NRBF2: variants seen among roughly 807,000 people sequenced by gnomAD.
NRBF2 encodes the protein nuclear receptor binding factor 2.
Under a neutral mutation model 28.5 loss-of-function variants are expected in NRBF2, and 12 were observed. That is an observed-to-expected ratio of 0.42 (90% confidence interval 0.27 to 0.68). NRBF2 has a LOEUF of 0.68. NRBF2 is among the 30% of genes least tolerant of loss of function. The pLI is 0.24. For missense variants in NRBF2, 274 were observed against 333.5 expected, an observed-to-expected ratio of 0.82 and a Z score of 1.39; for synonymous variants, 102 against 116.5, an observed-to-expected ratio of 0.88 and a Z score of 0.80.
chr10:63,144,067 CT>C (rs1841520369), intron 1 of NRBF2, among the ~76,000 whole-genome samples: 2 of 151,934 alleles, frequency 1.3e-5, no homozygotes. Flanking sequence ...CACTTTTTAC[CT>C]TTTTTAAGTG....
chr10:63,135,645 TTC>T (rs1438177448), intron 1 of NRBF2, among the ~76,000 whole-genome samples: 2 of 146,884 alleles, frequency 1.4e-5, no homozygotes, highest in East Asian at 2.2e-4. Flanking sequence ...GCATCTTGAA[TTC>T]TTTTTTTTTT....
rs1254779679 is a variant in NRBF2 at position 63,154,195 on chromosome 10, C to T, written c.841C>T (p.Leu281=). ...LPLMELSEDI[L]KGFMNN Reference sequence around the variant, plus strand: ...TCTTATGGAGCTCTCTGAGGATATTCTGAAAGGATTTATGAATAATTAAAA... The same window carrying T: ...TCTTATGGAGCTCTCTGAGGATATTTTGAAAGGATTTATGAATAATTAAAA... Residue 281 remains leucine (L), a synonymous_variant, in exon 4 of 4, where the codon CTG becomes TTG. Transcript: ENST00000277746. The T allele has an allele frequency of 6.3e-7, 1 of 1,590,668 alleles. No homozygotes were observed. Among genetic ancestry groups the T allele is most frequent in the Non-Finnish European group, 8.6e-7 (1 of 1,163,618 alleles).
intron 1 of NRBF2, among the ~76,000 whole-genome samples, chr10:63,144,707 C>A (rs1214014400): frequency 6.6e-6 from 1 of 152,124 alleles, no homozygotes; most frequent in African/African-American, 2.4e-5. Context: ...TGAGCCACCG[C>A]GCCCGGCCAG....
intron 1 of NRBF2, among the ~76,000 whole-genome samples, chr10:63,135,229 C>T (rs572963618): frequency 2.0e-5 from 3 of 152,172 alleles, no homozygotes; most frequent in African/African-American, 4.8e-5. Flanking sequence ...GTTTTTAAGG[C>T]GACATATAGT....
intron 1 of NRBF2, among the ~76,000 whole-genome samples, chr10:63,139,704 A>G (rs532340596): frequency 6.6e-6 from 1 of 151,722 alleles, no homozygotes; most frequent in Admixed American, 6.6e-5. Flanking sequence ...TGTCTGCTTC[A>G]CTCCTCCTTT....
chr10:63,140,804 G>T (rs1014115458), intron 1 of NRBF2, among the ~76,000 whole-genome samples: 1 of 151,638 alleles, frequency 6.6e-6, no homozygotes, highest in Non-Finnish European at 1.5e-5. Context: ...AGGTTCAAGC[G>T]ATTCTCCTGC....
chr10:63,144,151 G>A (rs534166334), intron 1 of NRBF2, among the ~76,000 whole-genome samples: 2 of 152,148 alleles, frequency 1.3e-5, no homozygotes, highest in Admixed American at 6.5e-5. Flanking sequence ...AAGTATATTC[G>A]CATGGTTGTG....
chr10:63,142,212 G>GT (rs1841480745), intron 1 of NRBF2, among the ~76,000 whole-genome samples: 1 of 152,066 alleles, frequency 6.6e-6, no homozygotes, highest in East Asian at 1.9e-4. Context: ...GCTTCTTAGA[G>GT]TGTATCCATA....
At chr10:63,145,264 C>CG (rs1841541076) in intron 1 of NRBF2, among the ~76,000 whole-genome samples, 1 of 151,970 alleles carries the variant, frequency 6.6e-6, no homozygotes, top group African/African-American at 2.4e-5. Flanking sequence ...CCCGCAGAGA[C>CG]GGTGTTTCAC....
rs1841685188 is a variant in NRBF2 at position 63,153,722 on chromosome 10, CAG to C, written c.372_373del (p.Lys125MetfsTer4). ...CTTTCTCAGAAGTACAGCCCTTCCA[CAG>C]AGAAATGCCTGCCTGAGATTCAGGG... On this transcript the variant is annotated frameshift_variant, in exon 4 of 4. Coordinates refer to ENST00000277746, the MANE Select transcript of NRBF2 (RefSeq NM_030759.5). LOFTEE classifies it high-confidence loss of function. 1 of 1,612,344 alleles carries C rather than the reference CAG, an allele frequency of 6.2e-7. No homozygotes were observed. The highest frequency in any genetic ancestry group is 1.3e-5 in the African/African-American group (1 of 74,848).
Position 63,139,926 on chromosome 10 carries a change from G to A in NRBF2, c.31-6283G>A, listed in dbSNP as rs60148164. Reference sequence around the variant, plus strand: ...CGAGGCAGGTGGACTGCTTGAGCCCGGGAGTTCAAGACCAGCCTAGGCAAC... The same window carrying A: ...CGAGGCAGGTGGACTGCTTGAGCCCAGGAGTTCAAGACCAGCCTAGGCAAC... On this transcript the variant is annotated intron_variant, in intron 1 of 3. Coordinates refer to ENST00000277746, the MANE Select transcript of NRBF2 (RefSeq NM_030759.5). Among the ~76,000 whole-genome samples the A allele has an allele frequency of 3.0e-3, 458 of 152,002 alleles. 1 individual carries two copies. Among genetic ancestry groups the A allele is most frequent in the African/African-American group, 0.01 (423 of 41,440 alleles).
intron 1 of NRBF2, among the ~76,000 whole-genome samples, chr10:63,139,069 G>A (rs1319510819): frequency 6.6e-6 from 1 of 152,048 alleles, no homozygotes; most frequent in East Asian, 1.9e-4. Context: ...GAGTGCAATG[G>A]CGTAATCTCA....
At chr10:63,142,308 T>G (rs1490470637) in intron 1 of NRBF2, among the ~76,000 whole-genome samples, 2 of 149,564 alleles carry the variant, frequency 1.3e-5, no homozygotes, top group Admixed American at 6.7e-5. Flanking sequence ...TTTTGTTTTT[T>G]TTGTTTTTTT....
In NRBF2 at chr10:63,151,210, A is replaced by G. The variant is rs368894184; in HGVS notation, c.116-940A>G. Among the ~76,000 whole-genome samples the G allele has an allele frequency of 3.3e-5, 5 of 152,374 alleles. No homozygotes were observed. The East Asian group carries it at 5.8e-4, about 18-fold the overall frequency. The stretch of plus-strand genomic sequence containing the variant: ...AAAGCAATGCCTCGTAGTATCTGCA[A>G]AAGGGCAAAAGAGGAACTTAATGTA... On this transcript the variant is annotated intron_variant, in intron 2 of 3. Transcript: ENST00000277746.
chr10:63,146,357 G>A lies in NRBF2; in HGVS notation c.115+64G>A, dbSNP rs1037086761. ...AGCAGAAAGTCACAATAGTAATAAT[G>A]TGTGTTGCTTTTCATATGCAAGACT... On this transcript the variant is annotated intron_variant, in intron 2 of 3. Transcript: ENST00000277746. The A allele has an allele frequency of 5.2e-6, 6 of 1,145,774 alleles. No homozygotes were observed. In the African/African-American group the frequency reaches 6.2e-5, roughly 12 times the overall value. 71.0% of individuals were successfully genotyped at this position (1,145,774 alleles called of 1,614,324 possible). A position where few individuals can be genotyped will look rare whatever the true frequency, so the allele number is the denominator to read the frequency against.
chr10:63,145,515 C>T (rs924892750), intron 1 of NRBF2, among the ~76,000 whole-genome samples: 1 of 152,170 alleles, frequency 6.6e-6, no homozygotes, highest in African/African-American at 2.4e-5. Context: ...GGACTTAAAG[C>T]TCTTTTGAAA....
intron 2 of NRBF2, chr10:63,150,226 A>G (rs902570735): frequency 1.8e-4 from 38 of 210,948 alleles, no homozygotes; most frequent in African/African-American, 8.0e-4. Flanking sequence ...TGCTAGGATT[A>G]CAGGTGTGAG....
chr10:63,133,526 TCGTC>T (rs1362848253), intron 1 of NRBF2, 26 bp downstream of exon 1: 1 of 1,556,750 alleles, frequency 6.4e-7, no homozygotes, highest in Non-Finnish European at 8.8e-7. Flanking sequence ...AATATAGCGT[TCGTC>T]TTGGGTGCCT....
chr10:63,134,502 ACT>A (rs1425254000), intron 1 of NRBF2, among the ~76,000 whole-genome samples: 4 of 152,010 alleles, frequency 2.6e-5, no homozygotes, highest in Non-Finnish European at 5.9e-5. Context: ...GTGGTTTAAG[ACT>A]CTAGGTTTTG....
Sources: allele counts gnomAD v4.1 joint callset (sites outside exome capture counted in the v4.1 genomes callset), GRCh38; gene constraint gnomAD v4.1.1; transcripts MANE v1.5; gene names NCBI Gene and HGNC (gene_info 2026-07-23, HGNC 2026-07-21).